TMEM132C: variants seen among roughly 807,000 people sequenced by gnomAD.
The protein encoded by TMEM132C is transmembrane protein 132C.
Under a neutral mutation model 61.4 loss-of-function variants are expected in TMEM132C, and 29 were observed. The observed-to-expected ratio is 0.47, with a 90% CI of 0.35 to 0.64. The LOEUF is 0.64. TMEM132C is among the 30% of genes least tolerant of loss of function. TMEM132C has a pLI of 0.00. For missense variants in TMEM132C, 1,408 were observed against 1,476.9 expected (o/e 0.95, Z 0.76); for synonymous variants, 656 against 633.1 (o/e 1.04, Z -0.54).
intron 2 of TMEM132C, among the ~76,000 whole-genome samples, chr12:128,445,389 T>G (rs1291611742): frequency 6.6e-6 from 1 of 152,218 alleles, no homozygotes; most frequent in Non-Finnish European, 1.5e-5. Context: ...CTTAGCTTGC[T>G]GCTGCTCTTG....
At chr12:128,366,467 GCTT>G (rs1873876840) in intron 1 of TMEM132C, among the ~76,000 whole-genome samples, 1 of 152,182 alleles carries the variant, frequency 6.6e-6, no homozygotes, top group South Asian at 2.1e-4. Context: ...GCTGGACGCG[GCTT>G]CTTATAGCCC....
At chr12:128,434,780 A>G in intron 2 of TMEM132C, among the ~76,000 whole-genome samples, 1 of 150,026 alleles carries the variant, frequency 6.7e-6, no homozygotes. Context: ...TTTTTTTTTA[A>G]ATTTTTTATT....
rs867278762 is a variant in TMEM132C, at chr12:128,332,347, C to G, written c.85+64860C>G. ...TTGTTAGAAAAGCTGTTTTTCCAGC[C>G]AGCCCCAGAACTATCGTCTAGAAAT... is the stretch of plus-strand genomic sequence containing the variant. On this transcript the variant is annotated intron_variant, in intron 1 of 8. Coordinates refer to ENST00000435159, the MANE Select transcript of TMEM132C (RefSeq NM_001136103.3). Among the ~76,000 whole-genome samples, 7 of 152,164 alleles carry G rather than the reference C, an allele frequency of 4.6e-5. No homozygotes were observed. In the South Asian group the frequency reaches 8.3e-4, roughly 18 times the overall value.
intron 3 of TMEM132C, among the ~76,000 whole-genome samples, chr12:128,578,008 ACT>A (rs2135557678): frequency 6.6e-6 from 1 of 152,286 alleles, no homozygotes; most frequent in South Asian, 2.1e-4. Flanking sequence ...ATTCAAATTA[ACT>A]CATTTTTTTC....
intron 2 of TMEM132C, among the ~76,000 whole-genome samples, chr12:128,535,678 C>T (rs1009186422): frequency 3.3e-5 from 5 of 152,132 alleles, no homozygotes; most frequent in African/African-American, 1.2e-4. Flanking sequence ...ACCATCTTAG[C>T]TAACACAGTG....
At position 128,341,235 on chromosome 12, in the gene TMEM132C, G is replaced by A. The variant is rs1565906334; in HGVS notation, c.86-73497G>A. ...GTGCTCTTTCTTTGGGTATCTGCTG[G>A]TGAAGACTAACCAGCTTCTGTGTTG... is the stretch of plus-strand genomic sequence containing the variant. On this transcript the variant is annotated intron_variant, in intron 1 of 8. Transcript: ENST00000435159. 1.3e-5 allele frequency among the ~76,000 whole-genome samples: 2 copies of A among 152,224 alleles called. 1 individual carries two copies. Among genetic ancestry groups the A allele is most frequent in the South Asian group, 4.2e-4 (2 of 4,818 alleles).
At chr12:128,365,864 A>C (rs1163241455) in intron 1 of TMEM132C, among the ~76,000 whole-genome samples, 1 of 152,044 alleles carries the variant, frequency 6.6e-6, no homozygotes, top group Non-Finnish European at 1.5e-5. Flanking sequence ...TGCCCCGTTG[A>C]TTGTGTGCCG....
intron 4 of TMEM132C, among the ~76,000 whole-genome samples, chr12:128,648,377 C>T (rs1346533943): frequency 7.4e-5 from 10 of 135,606 alleles, no homozygotes; most frequent in African/African-American, 2.8e-4. Context: ...AGTCCATCAG[C>T]GTTGGATGAG....
intron 2 of TMEM132C, among the ~76,000 whole-genome samples, chr12:128,490,135 G>T (rs537960944): frequency 6.6e-6 from 1 of 152,172 alleles, no homozygotes; most frequent in South Asian, 2.1e-4. Flanking sequence ...GTGATTGGGG[G>T]AAGGAGGCCC....
intron 2 of TMEM132C, among the ~76,000 whole-genome samples, chr12:128,507,245 C>G (rs965626546): frequency 6.6e-6 from 1 of 152,174 alleles, no homozygotes; most frequent in Admixed American, 6.5e-5. Context: ...TTACTGCATA[C>G]TTCACCTGGA....
intron 2 of TMEM132C, among the ~76,000 whole-genome samples, chr12:128,456,378 T>C (rs1870344871): frequency 4.5e-5 from 1 of 22,416 alleles, no homozygotes; most frequent in Non-Finnish European, 8.4e-5. Flanking sequence ...TTTTTTTTTT[T>C]TTTTTTTTTT....
intron 4 of TMEM132C, among the ~76,000 whole-genome samples, chr12:128,638,104 A>G (rs1217074477): frequency 6.6e-6 from 1 of 152,214 alleles, no homozygotes; most frequent in Non-Finnish European, 1.5e-5. Context: ...AGGTTGGGGT[A>G]AAGAACTGGA....
intron 1 of TMEM132C, among the ~76,000 whole-genome samples, chr12:128,342,370 G>T (rs1265259502): frequency 6.6e-6 from 1 of 152,182 alleles, no homozygotes; most frequent in Non-Finnish European, 1.5e-5. Context: ...GTGTCCTTTT[G>T]TGCTAGATGC....
chr12:128,463,087 A>G (rs1362680908), intron 2 of TMEM132C, among the ~76,000 whole-genome samples: 1 of 152,180 alleles, frequency 6.6e-6, no homozygotes, highest in Non-Finnish European at 1.5e-5. Context: ...GGCCAAAGCT[A>G]TGACTTTTAT....
At chr12:128,284,167 A>AT (rs1870984130) in intron 1 of TMEM132C, among the ~76,000 whole-genome samples, 1 of 152,194 alleles carries the variant, frequency 6.6e-6, no homozygotes, top group Non-Finnish European at 1.5e-5. Context: ...CTAGGAAAAT[A>AT]ACGTGAGCCA....
In TMEM132C at chr12:128,289,816, G is replaced by C. The variant is rs79580363; in HGVS notation, c.85+22329G>C. 6.0e-3 allele frequency among the ~76,000 whole-genome samples: 917 copies of C among 152,256 alleles called. 9 individuals carry two copies. Among genetic ancestry groups the C allele is most frequent in the African/African-American group, 0.02 (834 of 41,536 alleles). The stretch of plus-strand genomic sequence containing the variant: ...AGCAATCATTTCCATGAAAGTCACT[G>C]TTTTACATACTAATTGCATTTTCCC... On this transcript the variant is annotated intron_variant, in intron 1 of 8. Coordinates refer to ENST00000435159, the MANE Select transcript of TMEM132C (RefSeq NM_001136103.3).
intron 2 of TMEM132C, chr12:128,438,294 G>A (rs878866388): frequency 2.0e-4 from 30 of 152,128 alleles, no homozygotes; most frequent in Non-Finnish European, 3.2e-4. Context: ...TGTTCAGGGT[G>A]GGGTGGGAAT....
intron 1 of TMEM132C, among the ~76,000 whole-genome samples, chr12:128,311,232 G>A (rs960326470): frequency 6.6e-5 from 10 of 152,164 alleles, no homozygotes; most frequent in Non-Finnish European, 1.3e-4. Context: ...CCAACACTCT[G>A]ACAAGATAAG....
rs550917354 is a variant in TMEM132C, at chr12:128,707,776, G to T, written c.*1481G>T. ...TTACTAAAATCAGTAGCTAAGAAAG[G>T]GTCCTTGAAGCCTCCTAACCTGGGT... On this transcript the variant is annotated 3_prime_UTR_variant, in exon 9 of 9. Transcript: ENST00000435159. 5 of 152,206 alleles carry T rather than the reference G, an allele frequency of 3.3e-5. No homozygotes were observed. The highest frequency in any genetic ancestry group is 3.3e-4 in the Admixed American group (5 of 15,302). The allele number at this position is 152,206 out of a possible 1,614,324, so 9.4% of individuals were successfully genotyped here.
Sources: gnomAD v4.1 joint callset for allele counts (sites outside exome capture counted in the v4.1 genomes callset) on GRCh38, gnomAD v4.1.1 for gene constraint, MANE v1.5 for transcripts, NCBI Gene and HGNC (gene_info 2026-07-23, HGNC 2026-07-21) for gene names.